KIAA1549L: variants seen among roughly 807,000 people sequenced by gnomAD.
KIAA1549L encodes the protein KIAA1549 like.
Under a neutral mutation model 160.7 loss-of-function variants are expected in KIAA1549L, and 88 were observed. The ratio of observed to expected loss-of-function variants is 0.55; its 90% CI spans 0.46 to 0.65. The LOEUF (loss-of-function observed/expected upper bound fraction) is 0.65, where lower values mean the gene tolerates loss of function less well. Among genes scored for constraint, KIAA1549L ranks in the 30% least tolerant of loss-of-function variants. KIAA1549L has a pLI of 0.00. For missense variants in KIAA1549L, 2,258 were observed against 2,437.5 expected (o/e 0.93, Z 1.55); for synonymous variants, 950 against 976.7 (o/e 0.97, Z 0.51).
intron 1 of KIAA1549L, among the ~76,000 whole-genome samples, chr11:33,455,898 C>T (rs1358585255): frequency 2.0e-5 from 3 of 152,104 alleles, no homozygotes; most frequent in Admixed American, 2.0e-4. Context: ...AAAAATGTTT[C>T]TTTCTCACAT....
At chr11:33,608,161 G>A (rs1850557466) in intron 14 of KIAA1549L, among the ~76,000 whole-genome samples, 1 of 152,172 alleles carries the variant, frequency 6.6e-6, no homozygotes, top group Non-Finnish European at 1.5e-5. Context: ...TTTACTTACT[G>A]TGTGACCTTA....
At chr11:33,569,591 C>A (rs946802238) in intron 9 of KIAA1549L, among the ~76,000 whole-genome samples, 1 of 152,166 alleles carries the variant, frequency 6.6e-6, no homozygotes, top group South Asian at 2.1e-4. Flanking sequence ...TATAGACAAC[C>A]CATCTTAATG....
intron 13 of KIAA1549L, among the ~76,000 whole-genome samples, chr11:33,602,961 A>G (rs575965697): frequency 1.3e-5 from 2 of 152,328 alleles, no homozygotes; most frequent in South Asian, 4.1e-4. Context: ...TGTCCCATTA[A>G]TGCTATGCTG....
At chr11:33,596,147 G>T (rs1351089570) in intron 12 of KIAA1549L, among the ~76,000 whole-genome samples, 1 of 152,140 alleles carries the variant, frequency 6.6e-6, no homozygotes, top group African/African-American at 2.4e-5. Context: ...TTTGCATTCA[G>T]TAGCCTCAAA....
chr11:33,602,555 C>G (rs1185945695), intron 13 of KIAA1549L, among the ~76,000 whole-genome samples: 2 of 152,218 alleles, frequency 1.3e-5, no homozygotes, highest in Non-Finnish European at 2.9e-5. Context: ...AATGAAATCT[C>G]TCTGTCCAAC....
intron 1 of KIAA1549L, among the ~76,000 whole-genome samples, chr11:33,404,415 G>A (rs1378635664): frequency 6.6e-6 from 1 of 152,002 alleles, no homozygotes; most frequent in Non-Finnish European, 1.5e-5. Flanking sequence ...TCCCAGCCAC[G>A]TGGGAGACTG....
intron 1 of KIAA1549L, among the ~76,000 whole-genome samples, chr11:33,505,239 A>T (rs928268607): frequency 2.0e-5 from 3 of 152,198 alleles, no homozygotes; most frequent in African/African-American, 7.2e-5. Context: ...AGAGCTAAAC[A>T]ACCCAGACTC....
intron 1 of KIAA1549L, among the ~76,000 whole-genome samples, chr11:33,535,206 A>C (rs1853866203): frequency 6.6e-6 from 1 of 152,170 alleles, no homozygotes. Flanking sequence ...CATGGTTCCT[A>C]GAGACACCAG....
At chr11:33,388,351 A>T (rs568355864) in intron 1 of KIAA1549L, among the ~76,000 whole-genome samples, 2,446 of 152,290 alleles carry the variant, frequency 0.016, 54 homozygotes, top group African/African-American at 0.056. Context: ...CGTAGGGGTA[A>T]CTGCCCCCAT....
In KIAA1549L at chr11:33,673,924, A is replaced by G. The variant is rs987093929; in HGVS notation, c.*5770A>G. 4 of 152,218 alleles carry G rather than the reference A, an allele frequency of 2.6e-5. No homozygotes were observed. The highest frequency in any genetic ancestry group is 2.1e-4 in the South Asian group (1 of 4,832). 9.4% of individuals were successfully genotyped at this position (152,218 alleles called of 1,614,324 possible). A position where few individuals can be genotyped will look rare whatever the true frequency, so the allele number is the denominator to read the frequency against. On this transcript the variant is annotated 3_prime_UTR_variant, in exon 21 of 21. Coordinates refer to ENST00000658780, the MANE Select transcript of KIAA1549L (RefSeq NM_012194.3). ...CCCCAACCGGTGAGTCTTTAAAACC[A>G]TATTAGACACATTGGGCAAAGTACT...
intron 4 of KIAA1549L, among the ~76,000 whole-genome samples, chr11:33,549,287 A>G (rs1854374023): frequency 6.6e-6 from 1 of 152,242 alleles, no homozygotes; most frequent in African/African-American, 2.4e-5. Flanking sequence ...ATGGAAACCA[A>G]ACAGCTTGTT....
intron 1 of KIAA1549L, among the ~76,000 whole-genome samples, chr11:33,531,362 C>T (rs894609378): frequency 6.6e-6 from 1 of 152,130 alleles, no homozygotes; most frequent in Non-Finnish European, 1.5e-5. Context: ...GTAGTCCCAG[C>T]TACTTGGGAG....
At chr11:33,429,268 AG>A (rs1351882265) in intron 1 of KIAA1549L, among the ~76,000 whole-genome samples, 1 of 152,172 alleles carries the variant, frequency 6.6e-6, no homozygotes, top group East Asian at 1.9e-4. Flanking sequence ...CACCGTTCCC[AG>A]CCCTCATTGT....
chr11:33,483,700 G>A (rs976147581), intron 1 of KIAA1549L, among the ~76,000 whole-genome samples: 2 of 152,070 alleles, frequency 1.3e-5, no homozygotes, highest in Admixed American at 6.6e-5. Context: ...TACTGTTCTC[G>A]TGGTAGTGAA....
chr11:33,559,128 G>A (rs1390427784), intron 6 of KIAA1549L, among the ~76,000 whole-genome samples: 2 of 151,960 alleles, frequency 1.3e-5, no homozygotes, highest in Admixed American at 6.6e-5. Flanking sequence ...GTGAGCCACC[G>A]TGCCCGGCCT....
At chr11:33,487,300 G>A (rs1852548630) in intron 1 of KIAA1549L, among the ~76,000 whole-genome samples, 1 of 152,078 alleles carries the variant, frequency 6.6e-6, no homozygotes, top group African/African-American at 2.4e-5. Context: ...GTGGGACTGT[G>A]AGATGGAAGG....
At chr11:33,502,375 C>T (rs1852972341) in intron 1 of KIAA1549L, among the ~76,000 whole-genome samples, 1 of 152,288 alleles carries the variant, frequency 6.6e-6, no homozygotes, top group East Asian at 1.9e-4. Flanking sequence ...AAGCTTTTAA[C>T]ACCTCTCTAG....
chr11:33,561,104 G>T (rs1256610608), intron 7 of KIAA1549L, among the ~76,000 whole-genome samples: 3 of 152,168 alleles, frequency 2.0e-5, no homozygotes, highest in African/African-American at 7.2e-5. Flanking sequence ...TGGGCCTTTT[G>T]TTACAAGCAT....
At chr11:33,413,239 A>G (rs1850818511) in intron 1 of KIAA1549L, among the ~76,000 whole-genome samples, 1 of 150,800 alleles carries the variant, frequency 6.6e-6, no homozygotes, top group South Asian at 2.1e-4. Context: ...GAACTTCCCA[A>G]ACTTATTTGA....
Sources: allele counts gnomAD v4.1 joint callset (sites outside exome capture counted in the v4.1 genomes callset), GRCh38; gene constraint gnomAD v4.1.1; transcripts MANE v1.5; gene names NCBI Gene and HGNC (gene_info 2026-07-23, HGNC 2026-07-21).